Variants in PPFIA2 observed in about 807,000 individuals in gnomAD.
PPFIA2 encodes PPFI scaffold protein A2.
PPFIA2 carries 46 observed loss-of-function variants against 175.5 expected under a neutral mutation model. That is an observed-to-expected ratio of 0.26 (90% CI 0.21 to 0.34). The LOEUF is 0.34. PPFIA2 is among the 10% of genes least tolerant of loss of function. The probability of loss-of-function intolerance (pLI) is 1.00; values close to 1 mark genes in which losing one functional copy is unlikely to be tolerated. For missense variants in PPFIA2, 1,179 were observed against 1,506.1 expected, an observed-to-expected ratio of 0.78 and a Z score of 3.60; for synonymous variants, 568 against 511.4, an observed-to-expected ratio of 1.11 and a Z score of -1.49.
chr12:81,670,293 A>C (rs888945125), intron 4 of PPFIA2, among the ~76,000 whole-genome samples: 5 of 151,958 alleles, frequency 3.3e-5, no homozygotes, highest in Non-Finnish European at 7.4e-5. Flanking sequence ...GCTGTGAAAT[A>C]GATTGGGCCA....
intron 21 of PPFIA2, among the ~76,000 whole-genome samples, chr12:81,326,866 A>G (rs1351666753): frequency 1.3e-5 from 2 of 152,136 alleles, no homozygotes; most frequent in African/African-American, 2.4e-5. Flanking sequence ...TTAAGCTAAT[A>G]TAAACTCTCA....
At position 81,259,582 on chromosome 12, in the gene PPFIA2, CAGTTTTCACAAA is replaced by C; in HGVS notation, c.*100_*111del. 6.7e-7 allele frequency: 1 copy of C among 1,489,174 alleles called. No individual in the cohort carries two copies. Among genetic ancestry groups the C allele is most frequent in the Non-Finnish European group, 9.0e-7 (1 of 1,106,172 alleles). The allele number at this position is 1,489,174 out of a possible 1,614,324, so 92.2% of individuals were successfully genotyped here. ...ATGACGTCATTATTTCCTTAGAATT[CAGTTTTCACAAA>C]GGTTTTCACTGCTCGTCTTCTTAGA... On this transcript the variant is annotated 3_prime_UTR_variant, in exon 33 of 33. Coordinates refer to ENST00000549396, the MANE Select transcript of PPFIA2 (RefSeq NM_003625.5).
intron 4 of PPFIA2, among the ~76,000 whole-genome samples, chr12:81,590,838 C>A (rs1393383110): frequency 6.6e-6 from 1 of 152,072 alleles, no homozygotes; most frequent in Non-Finnish European, 1.5e-5. Flanking sequence ...CTTTTTCTTC[C>A]CAGTCTTGGG....
Position 81,294,766 on chromosome 12 carries a change from G to T in PPFIA2, c.2925+69C>A. On this transcript the variant is annotated intron_variant, in intron 24 of 32. Transcript: ENST00000549396. ...TTGAAATGTGTGCTGTCACAATTTTGCTCTGTAGACTTAGACACACGGCTA... is the reference window on the plus strand; with the variant it reads ...TTGAAATGTGTGCTGTCACAATTTTTCTCTGTAGACTTAGACACACGGCTA... 6 of 1,430,750 alleles carry T rather than the reference G, an allele frequency of 4.2e-6. No homozygotes were observed. The East Asian group carries it at 1.2e-4, about 28-fold the overall frequency. The allele number at this position is 1,430,750 out of a possible 1,614,324, so 88.6% of individuals were successfully genotyped here. A position where few individuals can be genotyped will look rare whatever the true frequency, so the allele number is the denominator to read the frequency against.
intron 4 of PPFIA2, chr12:81,597,809 A>G: frequency 1.2e-6 from 1 of 817,070 alleles, no homozygotes; most frequent in South Asian, 1.8e-5. Flanking sequence ...AGTAGATTAA[A>G]CTGACATGCA....
At chr12:81,336,690 T>A (rs547486714) in intron 21 of PPFIA2, among the ~76,000 whole-genome samples, 2 of 152,318 alleles carry the variant, frequency 1.3e-5, no homozygotes, top group Admixed American at 6.5e-5. Flanking sequence ...TCTGCTCTTT[T>A]GAGTTAAACC....
At chr12:81,294,409 G>A (rs1298414743) in intron 24 of PPFIA2, among the ~76,000 whole-genome samples, 1 of 149,248 alleles carries the variant, frequency 6.7e-6, no homozygotes, top group African/African-American at 2.5e-5. Context: ...AAGGAAGGAA[G>A]GAAGAAGGGA....
In PPFIA2 at chr12:81,659,780, A is replaced by G. The variant is rs186015558; in HGVS notation, c.303+17011T>C. Reference sequence around the variant, plus strand: ...TCCTCAAGTGAGTCCCTGACCCCTGAGTAGCCTAACTGGGAGGCACCCCCT... The same window carrying G: ...TCCTCAAGTGAGTCCCTGACCCCTGGGTAGCCTAACTGGGAGGCACCCCCT... On this transcript the variant is annotated intron_variant, in intron 4 of 32. Coordinates refer to ENST00000549396, the MANE Select transcript of PPFIA2 (RefSeq NM_003625.5). Among the ~76,000 whole-genome samples the G allele has an allele frequency of 4.1e-4, 62 of 152,296 alleles. No individual in the cohort carries two copies. The East Asian group carries it at 0.011, about 28-fold the overall frequency.
chr12:81,423,357 T>C lies in PPFIA2; in HGVS notation c.645+16615A>G, dbSNP rs150788745. 9.0e-4 allele frequency among the ~76,000 whole-genome samples: 137 copies of C among 152,158 alleles called. 1 individual carries two copies. Among genetic ancestry groups the C allele is most frequent in the African/African-American group, 3.1e-3 (127 of 41,534 alleles). On this transcript the variant is annotated intron_variant, in intron 7 of 32. Coordinates refer to ENST00000549396, the MANE Select transcript of PPFIA2 (RefSeq NM_003625.5). ...AAACATGCAAAAATCCTCAATATAA[T>C]ACTAGCAAACCCAATGCAACAGAAC...
intron 4 of PPFIA2, among the ~76,000 whole-genome samples, chr12:81,459,025 T>C (rs2054069823): frequency 6.6e-6 from 1 of 152,066 alleles, no homozygotes. Context: ...CTGGGGAAGG[T>C]TTGGAGTTTA....
At chr12:81,688,500 A>C (rs903145717) in intron 3 of PPFIA2, among the ~76,000 whole-genome samples, 1 of 151,872 alleles carries the variant, frequency 6.6e-6, no homozygotes, top group African/African-American at 2.4e-5. Context: ...TCTGACACAA[A>C]ATGCAAACAA....
Position 81,277,403 on chromosome 12 carries a change from T to C in PPFIA2, c.3224A>G (p.Gln1075Arg). 1 of 1,511,472 alleles carries C rather than the reference T, an allele frequency of 6.6e-7. No homozygotes were observed. The highest frequency in any genetic ancestry group is 8.8e-7 in the Non-Finnish European group (1 of 1,136,146). The allele number at this position is 1,511,472 out of a possible 1,614,324, so 93.6% of individuals were successfully genotyped here. A position where few individuals can be genotyped will look rare whatever the true frequency, so the allele number is the denominator to read the frequency against. ...MVDSFHRTSL[Q>R]YGIMCLKRLN... Reference sequence around the variant, plus strand: ...CCTCTTTAAGCACATAATTCCATATTGTAAACTTGTTCTTTTTTTTTTATT... The same window carrying C: ...CCTCTTTAAGCACATAATTCCATATCGTAAACTTGTTCTTTTTTTTTTATT... Residue 1075 changes from glutamine (Q) to arginine (R), a missense_variant, in exon 28 of 33, where the codon CAA (glutamine) becomes CGA (arginine). By Grantham distance (43) the Gln-to-Arg change is conservative. Transcript: ENST00000549396.
At position 81,597,691 on chromosome 12, in the gene PPFIA2, C is replaced by G. The variant is rs538249613; in HGVS notation, c.303+79100G>C. 8.2e-4 allele frequency among the ~76,000 whole-genome samples: 124 copies of G among 152,010 alleles called. 1 individual carries two copies. Among genetic ancestry groups the G allele is most frequent in the African/African-American group, 3.0e-3 (123 of 41,468 alleles). On this transcript the variant is annotated intron_variant, in intron 4 of 32. Transcript: ENST00000549396. ...AGACACAACACATCTCATAAACCTT[C>G]AAGGATGACACTGTAGCAGATTTAA...
chr12:81,645,263 A>G (rs1267727561), intron 4 of PPFIA2, among the ~76,000 whole-genome samples: 1 of 152,044 alleles, frequency 6.6e-6, no homozygotes, highest in Non-Finnish European at 1.5e-5. Context: ...AGTGGTATTA[A>G]TTTTACTCAT....
At chr12:81,405,215 G>T (rs2142900182) in intron 8 of PPFIA2, among the ~76,000 whole-genome samples, 2 of 152,164 alleles carry the variant, frequency 1.3e-5, no homozygotes, top group Middle Eastern at 6.8e-3. Context: ...AAATGTAAAA[G>T]TCCCATGACT....
intron 3 of PPFIA2, among the ~76,000 whole-genome samples, chr12:81,684,313 C>A (rs1292873405): frequency 6.6e-6 from 1 of 151,928 alleles, no homozygotes; most frequent in Non-Finnish European, 1.5e-5. Flanking sequence ...TTACAGGGTC[C>A]AGAGAAATGG....
chr12:81,510,064 C>A (rs764773555), intron 4 of PPFIA2, among the ~76,000 whole-genome samples: 13 of 152,074 alleles, frequency 8.5e-5, no homozygotes, highest in Non-Finnish European at 1.5e-4. Context: ...CAAAAGTTAT[C>A]TTTACACATA....
At chr12:81,743,323 A>G (rs2082563486) in intron 3 of PPFIA2, among the ~76,000 whole-genome samples, 1 of 141,738 alleles carries the variant, frequency 7.1e-6, no homozygotes, top group Non-Finnish European at 1.5e-5. Context: ...AGGCTGAGGC[A>G]GGAGAATCAT....
At chr12:81,455,454 T>C (rs1388281937) in intron 5 of PPFIA2, among the ~76,000 whole-genome samples, 2 of 152,198 alleles carry the variant, frequency 1.3e-5, no homozygotes, top group African/African-American at 4.8e-5. Context: ...AAAGTAACTA[T>C]TATGCATGGT....
Sources: allele counts gnomAD v4.1 joint callset (sites outside exome capture counted in the v4.1 genomes callset), GRCh38; gene constraint gnomAD v4.1.1; transcripts MANE v1.5; gene names NCBI Gene and HGNC (gene_info 2026-07-23, HGNC 2026-07-21).